GFRA1: variants seen among roughly 807,000 people sequenced by gnomAD.
GFRA1 encodes the protein GDNF family receptor alpha-1.
GFRA1 carries 16 observed loss-of-function variants against 51.6 expected under a neutral mutation model. The ratio of observed to expected loss-of-function variants is 0.31; its 90% CI spans 0.21 to 0.47. The LOEUF (loss-of-function observed/expected upper bound fraction) is 0.47. Ranked by LOEUF, GFRA1 falls within the 20% of genes least tolerant of loss-of-function variation. The probability of loss-of-function intolerance (pLI) is 1.00; values close to 1 mark genes in which losing one functional copy is unlikely to be tolerated. For missense variants in GFRA1, 530 were observed against 594.3 expected (o/e 0.89, Z 1.13); for synonymous variants, 270 against 241.3 (o/e 1.12, Z -1.10).
At chr10:116,165,110 T>A (rs1960239617) in intron 5 of GFRA1, among the ~76,000 whole-genome samples, 1 of 152,198 alleles carries the variant, frequency 6.6e-6, no homozygotes, top group African/African-American at 2.4e-5. Flanking sequence ...CTTTGGGTCC[T>A]GAAATCTCTG....
intron 8 of GFRA1, among the ~76,000 whole-genome samples, chr10:116,092,192 C>T (rs1956378551): frequency 6.6e-6 from 1 of 151,714 alleles, no homozygotes; most frequent in Admixed American, 6.6e-5. Flanking sequence ...TGGTATGCCC[C>T]AATGTCGTAG....
intron 6 of GFRA1, among the ~76,000 whole-genome samples, chr10:116,098,634 A>C (rs3781511): frequency 0.046 from 7,054 of 152,202 alleles, 422 homozygotes; most frequent in East Asian, 0.19. Flanking sequence ...CTGGCAGCCC[A>C]ATGCTCCCGG....
intron 5 of GFRA1, among the ~76,000 whole-genome samples, chr10:116,143,422 G>GA (rs922425552): frequency 1.3e-5 from 2 of 151,920 alleles, no homozygotes; most frequent in African/African-American, 4.8e-5. Flanking sequence ...TTTAGTATAG[G>GA]ATGACAGATA....
intron 9 of GFRA1, among the ~76,000 whole-genome samples, chr10:116,075,250 A>G (rs1955567234): frequency 6.6e-6 from 1 of 152,172 alleles, no homozygotes; most frequent in Admixed American, 6.5e-5. Flanking sequence ...GACATCATAA[A>G]TGAGTGATCA....
At chr10:116,245,146 C>T (rs1327671499) in intron 4 of GFRA1, among the ~76,000 whole-genome samples, 1 of 151,954 alleles carries the variant, frequency 6.6e-6, no homozygotes, top group East Asian at 1.9e-4. Context: ...GAGACATTTT[C>T]AAACTGAAAA....
At chr10:116,077,504 A>T (rs1955669069) in intron 9 of GFRA1, among the ~76,000 whole-genome samples, 1 of 152,208 alleles carries the variant, frequency 6.6e-6, no homozygotes, top group African/African-American at 2.4e-5. Context: ...GAATTGCACA[A>T]TTGCTAAAAC....
chr10:116,065,603 C>T lies in GFRA1; in HGVS notation c.1221G>A (p.Val407=). 5 of 1,613,548 alleles carry T rather than the reference C, an allele frequency of 3.1e-6. No homozygotes were observed. The highest frequency in any genetic ancestry group is 4.2e-6 in the Non-Finnish European group (5 of 1,179,634). Residue 407 remains valine, a synonymous_variant, in exon 10 of 11, where the codon GTG becomes GTA. Transcript: ENST00000355422. ...NLQAQKLKSN[V]SGNTHLCISN... Reference sequence around the variant, plus strand: ...AAATACAGAGGTGTGTATTGCCCGACACATTGGATTTCAGCTTCTGTGCCT... The same window carrying T: ...AAATACAGAGGTGTGTATTGCCCGATACATTGGATTTCAGCTTCTGTGCCT...
At chr10:116,247,224 T>C (rs1213089273) in intron 4 of GFRA1, among the ~76,000 whole-genome samples, 1 of 152,156 alleles carries the variant, frequency 6.6e-6, no homozygotes, top group Non-Finnish European at 1.5e-5. Flanking sequence ...TCTCCTTCTC[T>C]CACTCCATGT....
intron 5 of GFRA1, among the ~76,000 whole-genome samples, chr10:116,135,557 A>C: frequency 6.6e-6 from 1 of 152,328 alleles, no homozygotes; most frequent in Admixed American, 6.5e-5. Context: ...GTCTCCCATT[A>C]AAAAGATATT....
intron 5 of GFRA1, among the ~76,000 whole-genome samples, chr10:116,202,701 A>G (rs1964435862): frequency 1.3e-5 from 2 of 152,258 alleles, no homozygotes; most frequent in East Asian, 3.9e-4. Context: ...CTTTTAAACC[A>G]TTAGATCTCG....
chr10:116,161,252 G>C (rs1409198249), intron 5 of GFRA1, among the ~76,000 whole-genome samples: 5 of 152,144 alleles, frequency 3.3e-5, no homozygotes, highest in Non-Finnish European at 5.9e-5. Flanking sequence ...TGTGGTCACT[G>C]GAAGGTCAGT....
intron 5 of GFRA1, among the ~76,000 whole-genome samples, chr10:116,176,717 C>T (rs1009430317): frequency 7.9e-6 from 1 of 126,448 alleles, no homozygotes; most frequent in Non-Finnish European, 1.8e-5. Context: ...TCCCTCCCTC[C>T]CTCCCTCCCT....
chr10:116,139,816 C>T (rs890276657), intron 5 of GFRA1, among the ~76,000 whole-genome samples: 7 of 152,218 alleles, frequency 4.6e-5, no homozygotes, highest in African/African-American at 1.7e-4. Context: ...CGGAGCACAG[C>T]CTGGGTCCCT....
intron 6 of GFRA1, among the ~76,000 whole-genome samples, chr10:116,110,680 T>C (rs1414930920): frequency 6.6e-6 from 1 of 152,174 alleles, no homozygotes; most frequent in African/African-American, 2.4e-5. Context: ...ACCTAGCACA[T>C]GCCTGGCCCA....
intron 4 of GFRA1, among the ~76,000 whole-genome samples, chr10:116,267,762 G>A (rs751596593): frequency 2.0e-5 from 3 of 152,124 alleles, no homozygotes; most frequent in Non-Finnish European, 2.9e-5. Context: ...GGTCACATAC[G>A]TTTGTCTGTA....
chr10:116,205,840 G>T (rs1347776919), intron 5 of GFRA1, among the ~76,000 whole-genome samples: 1 of 151,570 alleles, frequency 6.6e-6, no homozygotes, highest in Non-Finnish European at 1.5e-5. Context: ...TGGCAGGGAA[G>T]AGGCAGCCTC....
intron 5 of GFRA1, among the ~76,000 whole-genome samples, chr10:116,190,890 G>A (rs913483962): frequency 7.9e-5 from 12 of 152,228 alleles, no homozygotes; most frequent in Non-Finnish European, 1.5e-5. Context: ...TTATTTTGCT[G>A]TATTTTTAAA....
intron 6 of GFRA1, among the ~76,000 whole-genome samples, chr10:116,100,864 A>C (rs979148654): frequency 1.8e-4 from 27 of 152,224 alleles, no homozygotes; most frequent in Admixed American, 6.5e-5. Flanking sequence ...GGAAATGTGG[A>C]TATCAATAGA....
At chr10:116,240,788 A>T (rs936690821) in intron 4 of GFRA1, among the ~76,000 whole-genome samples, 2 of 152,190 alleles carry the variant, frequency 1.3e-5, no homozygotes, top group Non-Finnish European at 2.9e-5. Context: ...TGTCTCGACA[A>T]ACATCTGCAG....
Sources: allele counts gnomAD v4.1 joint callset (sites outside exome capture counted in the v4.1 genomes callset), GRCh38; gene constraint gnomAD v4.1.1; transcripts MANE v1.5; gene names NCBI Gene and HGNC (gene_info 2026-07-23, HGNC 2026-07-21).